The following PLCL1 variants were observed in gnomAD, a reference collection of about 807,000 sequenced individuals.
PLCL1 encodes inactive phospholipase C-like protein 1.
Under a neutral mutation model 84.4 loss-of-function variants are expected in PLCL1, and 41 were observed. The observed-to-expected ratio is 0.49, with a 90% confidence interval of 0.38 to 0.63. The LOEUF is 0.63. Among genes scored for constraint, PLCL1 ranks in the 30% least tolerant of loss-of-function variants. The pLI is 0.00. For synonymous variants in PLCL1, 490 were observed against 488.3 expected, an observed-to-expected ratio of 1.00 and a Z score of -0.05; for missense variants, 1,206 against 1,367.8, an observed-to-expected ratio of 0.88 and a Z score of 1.87.
At chr2:197,963,577 C>G (rs1306446131) in intron 1 of PLCL1, among the ~76,000 whole-genome samples, 1 of 151,958 alleles carries the variant, frequency 6.6e-6, no homozygotes, top group Non-Finnish European at 1.5e-5. Context: ...CTGTGCAGAG[C>G]TTTTTAACTT....
At chr2:197,938,401 T>A (rs762242094) in intron 1 of PLCL1, among the ~76,000 whole-genome samples, 3 of 152,204 alleles carry the variant, frequency 2.0e-5, no homozygotes. Context: ...CAAACTTGTC[T>A]CCACAGAAGC....
At chr2:197,961,065 G>T (rs1574970148) in intron 1 of PLCL1, among the ~76,000 whole-genome samples, 1 of 151,922 alleles carries the variant, frequency 6.6e-6, no homozygotes, top group Admixed American at 6.6e-5. Flanking sequence ...ATCAATAATG[G>T]TTTATACTAG....
Position 198,066,680 on chromosome 2 carries a change from A to G in PLCL1, c.241-17078A>G, listed in dbSNP as rs1692328239. 2.0e-5 allele frequency among the ~76,000 whole-genome samples: 3 copies of G among 152,188 alleles called. No individual in the cohort carries two copies. The South Asian group carries it at 6.2e-4, about 31-fold the overall frequency. On this transcript the variant is annotated intron_variant, in intron 1 of 5. Coordinates refer to ENST00000428675, the MANE Select transcript of PLCL1 (RefSeq NM_006226.4). ...CAGATTTATAAAAAATGGCTTTTAC[A>G]GCCCCCTGCCACAGCTTCATTTCAT...
At chr2:197,905,839 CAT>C (rs1370117168) in intron 1 of PLCL1, among the ~76,000 whole-genome samples, 2 of 152,252 alleles carry the variant, frequency 1.3e-5, no homozygotes, top group African/African-American at 2.4e-5. Context: ...AGCTTTTTTT[CAT>C]ATGTTTGTTG....
intron 1 of PLCL1, among the ~76,000 whole-genome samples, chr2:197,818,368 C>T (rs1304221621): frequency 1.3e-5 from 2 of 152,096 alleles, no homozygotes; most frequent in Non-Finnish European, 2.9e-5. Context: ...AACCCTTTTC[C>T]CCAGGCTGAG....
intron 3 of PLCL1, among the ~76,000 whole-genome samples, chr2:198,093,955 T>A (rs1488738361): frequency 6.6e-6 from 1 of 152,098 alleles, no homozygotes; most frequent in Non-Finnish European, 1.5e-5. Context: ...TATTACCCAC[T>A]ATAAATAAAT....
chr2:197,890,701 T>TATATATATATACACAC (rs11270566), intron 1 of PLCL1, among the ~76,000 whole-genome samples: 2 of 118,544 alleles, frequency 1.7e-5, no homozygotes, highest in Admixed American at 8.4e-5. Context: ...TATATATATA[T>TATATATATATACACAC]ACACACACAC....
chr2:197,810,354 T>G (rs963249523), intron 1 of PLCL1: 1 of 890,978 alleles, frequency 1.1e-6, no homozygotes, highest in Non-Finnish European at 1.6e-6. Flanking sequence ...TGATGAAAGG[T>G]TTTTGAAGTG....
Position 198,009,320 on chromosome 2 carries a change from TA to T in PLCL1, c.241-74436del, listed in dbSNP as rs548393377. On this transcript the variant is annotated intron_variant, in intron 1 of 5. Transcript: ENST00000428675. ...TCTAGGAGTTTAACAGTTTTAAGTC[TA>T]ATTTTTAGGTCTTTAATTCATTTTG... is the stretch of plus-strand genomic sequence containing the variant. Among the ~76,000 whole-genome samples, 85 of 152,192 alleles carry T rather than the reference TA, an allele frequency of 5.6e-4. 1 individual carries two copies. In the South Asian group the frequency reaches 0.012, roughly 21 times the overall value.
At chr2:198,131,524 G>A (rs981264359) in intron 5 of PLCL1, among the ~76,000 whole-genome samples, 4 of 152,152 alleles carry the variant, frequency 2.6e-5, no homozygotes, top group African/African-American at 9.7e-5. Context: ...ATCAAAGAAC[G>A]TCTCGTCAAA....
At chr2:197,866,142 CTA>C (rs1214760475) in intron 1 of PLCL1, among the ~76,000 whole-genome samples, 150 of 7,916 alleles carry the variant, frequency 0.019, 38 homozygotes, top group East Asian at 0.075. Flanking sequence ...TATATATAAA[CTA>C]TATATATATA....
Position 198,089,128 on chromosome 2 carries a change from C to A in PLCL1, c.2919+67C>A. 3.5e-6 allele frequency: 4 copies of A among 1,140,914 alleles called. No homozygotes were observed. The Admixed American group carries it at 5.2e-5, about 15-fold the overall frequency. The allele number at this position is 1,140,914 out of a possible 1,614,324, so 70.7% of individuals were successfully genotyped here. A position where few individuals can be genotyped will look rare whatever the true frequency, so the allele number is the denominator to read the frequency against. ...TGTGAAATCACAAATAGCAGGGACT[C>A]CTCTGTGGAACTCCAATGAATAACA... On this transcript the variant is annotated intron_variant, in intron 3 of 5. Transcript: ENST00000428675.
chr2:197,870,685 G>A (rs938849211), intron 1 of PLCL1, among the ~76,000 whole-genome samples: 2 of 152,048 alleles, frequency 1.3e-5, no homozygotes, highest in African/African-American at 4.8e-5. Flanking sequence ...GGAAAACTTT[G>A]AACCTCTTTA....
At chr2:198,053,038 T>G (rs748757008) in intron 1 of PLCL1, among the ~76,000 whole-genome samples, 1 of 152,180 alleles carries the variant, frequency 6.6e-6, no homozygotes, top group Non-Finnish European at 1.5e-5. Context: ...GGATTTTAGG[T>G]CTGAGAGACC....
At chr2:197,922,975 G>A (rs1233559564) in intron 1 of PLCL1, among the ~76,000 whole-genome samples, 4 of 103,228 alleles carry the variant, frequency 3.9e-5, no homozygotes, top group South Asian at 3.8e-4. Flanking sequence ...CCTCCCTCCC[G>A]GACCGGGCGG....
intron 1 of PLCL1, among the ~76,000 whole-genome samples, chr2:198,059,942 G>A (rs956490327): frequency 6.6e-6 from 1 of 152,148 alleles, no homozygotes; most frequent in African/African-American, 2.4e-5. Flanking sequence ...AAAGGTGTCA[G>A]GTTGGCAGGG....
chr2:197,878,447 A>G (rs543935127), intron 1 of PLCL1, among the ~76,000 whole-genome samples: 2 of 152,292 alleles, frequency 1.3e-5, no homozygotes, highest in African/African-American at 2.4e-5. Flanking sequence ...ACAAAATGCT[A>G]TGTACATTTT....
chr2:197,860,689 CT>C lies in PLCL1; in HGVS notation c.240+55351del, dbSNP rs921104637. ...CATGCATGCCTCTTTTGAAAAGTGT[CT>C]GTTCATGTCCTTTGCTACATTTTAA... On this transcript the variant is annotated intron_variant, in intron 1 of 5. Transcript: ENST00000428675. 7.4e-4 allele frequency among the ~76,000 whole-genome samples: 112 copies of C among 152,162 alleles called. 1 individual carries two copies. The highest frequency in any genetic ancestry group is 2.6e-3 in the African/African-American group (110 of 41,516).
chr2:197,881,521 C>CTGTGTGTGTGTGTGTGTGTGTGTG (rs112582985), intron 1 of PLCL1, among the ~76,000 whole-genome samples: 2 of 150,906 alleles, frequency 1.3e-5, no homozygotes, highest in African/African-American at 4.9e-5. Flanking sequence ...GAACAGTGCT[C>CTGTGTGTGTGTGTGTGTGTGTGTG]TGTGTGTGTG....
Sources: gnomAD v4.1 joint callset for allele counts (sites outside exome capture counted in the v4.1 genomes callset) on GRCh38, gnomAD v4.1.1 for gene constraint, MANE v1.5 for transcripts, NCBI Gene and HGNC (gene_info 2026-07-23, HGNC 2026-07-21) for gene names.